The following WDR27 variants were observed in gnomAD, a reference collection of about 807,000 sequenced individuals.
WDR27 encodes WD repeat domain 27, also known as WD repeat-containing protein 27.
A neutral mutation model predicts 114.4 loss-of-function variants in WDR27; 100 were observed. The ratio of observed to expected loss-of-function variants is 0.87; its 90% CI spans 0.74 to 1.03. WDR27 has a LOEUF of 1.03. Ranked by LOEUF, WDR27 falls within the 50% of genes least tolerant of loss-of-function variation. WDR27 has a pLI of 0.00. For missense variants in WDR27, 1,129 were observed against 1,092.9 expected (o/e 1.03, Z -0.47); for synonymous variants, 449 against 423.1 (o/e 1.06, Z -0.75).
At chr6:169,581,056 G>A (rs1027541818) in intron 24 of WDR27, among the ~76,000 whole-genome samples, 3 of 151,086 alleles carry the variant, frequency 2.0e-5, no homozygotes, top group African/African-American at 4.9e-5. Context: ...GTTCTTTAGC[G>A]GCCCTTCGTC....
chr6:169,568,545 G>A (rs1305253948), intron 25 of WDR27, among the ~76,000 whole-genome samples: 2 of 152,180 alleles, frequency 1.3e-5, no homozygotes, highest in Admixed American at 6.5e-5. Flanking sequence ...GGATGATGTA[G>A]AAGACCCAGT....
chr6:169,660,722 A>C lies in WDR27; in HGVS notation c.1070T>G (p.Val357Gly), dbSNP rs1222502112. 3 of 1,613,866 alleles carry C rather than the reference A, an allele frequency of 1.9e-6. No individual in the cohort carries two copies. Among genetic ancestry groups the C allele is most frequent in the Non-Finnish European group, 1.7e-6 (2 of 1,179,858 alleles). The change falls in exon 10 of 26, where the codon GTG becomes GGG. Residue 357 changes from valine (V) to glycine (G), a missense_variant. Val to Gly is a moderately radical substitution (Grantham distance 109). Coordinates refer to ENST00000448612, the MANE Select transcript of WDR27 (RefSeq NM_182552.5). ...NTRCVWIGSS[V>G]GLFVFNLANL... is the part of the protein sequence containing the mutation. ...TGCCAGGTTAAATACGAATAAGCCC[A>C]CTGAGCTTCCGATCCACACACATCG...
At chr6:169,695,264 G>A (rs1030447127) in intron 1 of WDR27, among the ~76,000 whole-genome samples, 2 of 152,196 alleles carry the variant, frequency 1.3e-5, no homozygotes, top group Non-Finnish European at 2.9e-5. Context: ...GCCAGTACGG[G>A]TTGGTTGCTG....
chr6:169,698,363 G>A (rs1786824839), intron 1 of WDR27, among the ~76,000 whole-genome samples: 1 of 152,104 alleles, frequency 6.6e-6, no homozygotes, highest in Non-Finnish European at 1.5e-5. Context: ...AGACAGGGAT[G>A]AGGGAGGGTC....
intron 19 of WDR27, among the ~76,000 whole-genome samples, chr6:169,634,947 C>A (rs921673520): frequency 1.3e-5 from 2 of 152,154 alleles, no homozygotes; most frequent in Admixed American, 1.3e-4. Flanking sequence ...GAAAGTCCCA[C>A]AAGATCAGAA....
rs145364203 is a variant in WDR27 at position 169,551,295 on chromosome 6, G to C, written c.2645+21124C>G. ...TCCAATCACTTCGCTAAGTAATTTA[G>C]ACACAGAGAGACCCCACGCTCACCC... On this transcript the variant is annotated intron_variant, in intron 25 of 25. Coordinates refer to ENST00000448612, the MANE Select transcript of WDR27 (RefSeq NM_182552.5). Among the ~76,000 whole-genome samples, 279 of 152,202 alleles carry C rather than the reference G, an allele frequency of 1.8e-3. 4 individuals carry two copies. The highest frequency in any genetic ancestry group is 6.5e-3 in the African/African-American group (269 of 41,532).
chr6:169,592,114 C>T (rs914655523), intron 23 of WDR27, among the ~76,000 whole-genome samples: 3 of 152,136 alleles, frequency 2.0e-5, no homozygotes, highest in African/African-American at 7.2e-5. Context: ...CAGAGGTTAA[C>T]GGCTGACAGG....
At chr6:169,701,051 A>C (rs1787843535) in intron 1 of WDR27, among the ~76,000 whole-genome samples, 1 of 152,220 alleles carries the variant, frequency 6.6e-6, no homozygotes, top group Non-Finnish European at 1.5e-5. Flanking sequence ...AAGTCAGTAA[A>C]CACAAGATAG....
intron 1 of WDR27, among the ~76,000 whole-genome samples, chr6:169,697,689 T>C (rs1025111380): frequency 1.3e-5 from 2 of 152,130 alleles, no homozygotes; most frequent in African/African-American, 4.8e-5. Flanking sequence ...GTTGTTTCTC[T>C]CTGTCTCCTC....
intron 25 of WDR27, among the ~76,000 whole-genome samples, chr6:169,461,615 A>AG (rs1202049145): frequency 1.7e-4 from 26 of 151,252 alleles, no homozygotes; most frequent in Non-Finnish European, 2.8e-4. Context: ...AGCAATGTTA[A>AG]GGGGGGAATT....
chr6:169,645,118 G>A (rs1198599288), intron 16 of WDR27, among the ~76,000 whole-genome samples: 2 of 133,860 alleles, frequency 1.5e-5, no homozygotes, highest in African/African-American at 2.8e-5. Flanking sequence ...GAGTCCCACT[G>A]TAGGAAATCC....
chr6:169,670,491 C>T (rs750424092), intron 4 of WDR27, 78 bp downstream of exon 4: 85 of 1,553,686 alleles, frequency 5.5e-5, no homozygotes, highest in Admixed American at 1.3e-4. Context: ...AAGAAAAGAC[C>T]GCTGGGCAAG....
At chr6:169,443,857 AG>A in the WDR27 span, among the ~76,000 whole-genome samples, 204 of 152,294 alleles carry the variant, frequency 1.3e-3, 3 homozygotes, top group East Asian at 0.032. Context: ...GCCTCCCAAG[AG>A]GTCCAAAACA....
At chr6:169,546,597 T>C (rs908189370) in intron 25 of WDR27, among the ~76,000 whole-genome samples, 5 of 152,166 alleles carry the variant, frequency 3.3e-5, no homozygotes, top group African/African-American at 1.2e-4. Context: ...TGAGGCCGTC[T>C]CTTCTCCAGT....
rs148070031 is a variant in WDR27 at position 169,647,597 on chromosome 6, G to A, written c.1657+176C>T. 6.9e-5 allele frequency: 48 copies of A among 696,910 alleles called. No individual in the cohort carries two copies. The Middle Eastern group carries it at 2.0e-3, about 28-fold the overall frequency. 43.2% of individuals were successfully genotyped at this position (696,910 alleles called of 1,614,324 possible). ...CCTGGAGATCACCCTCACTACAGTCGAGTGAAACGCAGTCTCGGTTTTCAT... is the reference window on the plus strand; with the variant it reads ...CCTGGAGATCACCCTCACTACAGTCAAGTGAAACGCAGTCTCGGTTTTCAT... On this transcript the variant is annotated intron_variant, in intron 16 of 25. Transcript: ENST00000448612.
At chr6:169,458,214 T>C (rs1338386029) in intron 25 of WDR27, among the ~76,000 whole-genome samples, 2 of 152,174 alleles carry the variant, frequency 1.3e-5, no homozygotes, top group Non-Finnish European at 2.9e-5. Context: ...CCCACCCTCA[T>C]GCACACCTTT....
At chr6:169,685,478 G>A (rs1304748887) in intron 2 of WDR27, among the ~76,000 whole-genome samples, 1 of 152,070 alleles carries the variant, frequency 6.6e-6, no homozygotes, top group Non-Finnish European at 1.5e-5. Context: ...TGATATGAAT[G>A]AGAAATTCAA....
intron 1 of WDR27, among the ~76,000 whole-genome samples, chr6:169,700,598 T>A (rs938487370): frequency 1.3e-5 from 2 of 152,134 alleles, no homozygotes; most frequent in Non-Finnish European, 2.9e-5. Context: ...AACCACAACA[T>A]GGAAGAATTT....
intron 25 of WDR27, among the ~76,000 whole-genome samples, chr6:169,483,089 T>G (rs891281392): frequency 7.9e-5 from 12 of 152,018 alleles, no homozygotes; most frequent in African/African-American, 2.9e-4. Flanking sequence ...GGTAGAAATA[T>G]CTCAAATTAA....
Sources: gnomAD v4.1 joint callset for allele counts (sites outside exome capture counted in the v4.1 genomes callset) on GRCh38, gnomAD v4.1.1 for gene constraint, MANE v1.5 for transcripts, NCBI Gene and HGNC (gene_info 2026-07-23, HGNC 2026-07-21) for gene names.